Variants in DOCK3 observed in about 807,000 individuals in gnomAD.
The protein encoded by DOCK3 is dedicator of cytokinesis protein 3.
A neutral mutation model predicts 265.6 loss-of-function variants in DOCK3; 60 were observed. The ratio of observed to expected loss-of-function variants is 0.23; its 90% CI spans 0.18 to 0.28. DOCK3 has a LOEUF of 0.28. DOCK3 is among the 10% of genes least tolerant of loss of function. DOCK3 has a pLI of 1.00. For synonymous variants in DOCK3, 881 were observed against 938.0 expected, an observed-to-expected ratio of 0.94 and a Z score of 1.11; for missense variants, 1,981 against 2,594.3, an observed-to-expected ratio of 0.76 and a Z score of 5.14.
At chr3:51,004,055 T>C (rs995147023) in intron 5 of DOCK3, among the ~76,000 whole-genome samples, 1 of 152,128 alleles carries the variant, frequency 6.6e-6, no homozygotes, top group African/African-American at 2.4e-5. Flanking sequence ...TCCCATGAAA[T>C]ACCCTCCACT....
At chr3:51,109,955 A>G (rs1458125838) in intron 9 of DOCK3, among the ~76,000 whole-genome samples, 2 of 151,966 alleles carry the variant, frequency 1.3e-5, no homozygotes, top group African/African-American at 4.8e-5. Context: ...TCAAATAAAC[A>G]CAATCTGAAA....
At chr3:51,102,037 A>G (rs974671531) in intron 9 of DOCK3, among the ~76,000 whole-genome samples, 4 of 152,252 alleles carry the variant, frequency 2.6e-5, no homozygotes, top group South Asian at 2.1e-4. Flanking sequence ...TCATTAAAAT[A>G]TATTTAGCTG....
At chr3:51,309,638 AGAGCGAGAGCG>A (rs1441472766) in intron 27 of DOCK3, among the ~76,000 whole-genome samples, 6 of 145,702 alleles carry the variant, frequency 4.1e-5, no homozygotes, top group Non-Finnish European at 7.4e-5. Context: ...AGCGAGAGCG[AGAGCGAGAGCG>A]AGAGCTCTTT....
intron 23 of DOCK3, among the ~76,000 whole-genome samples, chr3:51,261,205 A>G (rs370405560): frequency 2.0e-4 from 30 of 151,728 alleles, no homozygotes; most frequent in African/African-American, 7.0e-4. Flanking sequence ...TGCATTTCCA[A>G]CTGAGGTACC....
intron 2 of DOCK3, among the ~76,000 whole-genome samples, chr3:50,803,571 C>T (rs955984728): frequency 6.6e-6 from 1 of 152,370 alleles, no homozygotes; most frequent in South Asian, 2.1e-4. Flanking sequence ...ATGGCCTGTT[C>T]TCAATGAGCT....
At chr3:50,913,434 C>T (rs1164632691) in intron 4 of DOCK3, among the ~76,000 whole-genome samples, 2 of 152,010 alleles carry the variant, frequency 1.3e-5, no homozygotes, top group South Asian at 2.1e-4. Context: ...GGGGTGATGT[C>T]AGCACTCCCT....
At chr3:51,230,710 T>G (rs962950292) in intron 19 of DOCK3, among the ~76,000 whole-genome samples, 5 of 152,220 alleles carry the variant, frequency 3.3e-5, no homozygotes, top group African/African-American at 1.2e-4. Flanking sequence ...AGAGATGAGA[T>G]TTCACCATGT....
intron 5 of DOCK3, among the ~76,000 whole-genome samples, chr3:51,035,131 C>A (rs13316002): frequency 6.6e-6 from 1 of 152,032 alleles, no homozygotes; most frequent in Non-Finnish European, 1.5e-5. Context: ...TCTAAATTTA[C>A]ACCCTTCACC....
In DOCK3 at chr3:51,090,210, G is replaced by T; in HGVS notation, c.592-20G>T. On this transcript the variant is annotated intron_variant, in intron 8 of 52. Transcript: ENST00000266037. ...AAATAACTAAAATAAAAATCACTGGGTTTTTTTCTTCCTCATTAGGTAGAT... is the reference window on the plus strand; with the variant it reads ...AAATAACTAAAATAAAAATCACTGGTTTTTTTTCTTCCTCATTAGGTAGAT... 2 of 1,526,646 alleles carry T rather than the reference G, an allele frequency of 1.3e-6. No individual in the cohort carries two copies. Among genetic ancestry groups the T allele is most frequent in the Non-Finnish European group, 8.8e-7 (1 of 1,142,676 alleles). 94.6% of individuals were successfully genotyped at this position (1,526,646 alleles called of 1,614,324 possible). A position where few individuals can be genotyped will look rare whatever the true frequency, so the allele number is the denominator to read the frequency against.
At chr3:51,235,937 G>A (rs2078332249) in intron 19 of DOCK3, among the ~76,000 whole-genome samples, 1 of 152,194 alleles carries the variant, frequency 6.6e-6, no homozygotes, top group East Asian at 1.9e-4. Context: ...ACAGTAGAGA[G>A]CAAGAGACTA....
intron 1 of DOCK3, among the ~76,000 whole-genome samples, chr3:50,748,502 A>T (rs1300809628): frequency 6.6e-6 from 1 of 152,210 alleles, no homozygotes; most frequent in Admixed American, 6.5e-5. Context: ...ATGAATAGTC[A>T]GTTAAGAGTA....
intron 2 of DOCK3, among the ~76,000 whole-genome samples, chr3:50,798,045 A>T (rs753906839): frequency 9.2e-5 from 14 of 152,232 alleles, no homozygotes; most frequent in African/African-American, 2.4e-5. Context: ...CTCATTTTGT[A>T]TTCTGACCAC....
intron 5 of DOCK3, among the ~76,000 whole-genome samples, chr3:50,971,384 T>C (rs1302915183): frequency 1.3e-5 from 2 of 152,174 alleles, no homozygotes; most frequent in Admixed American, 6.5e-5. Flanking sequence ...GTATGTTGTA[T>C]AGGGTCATTA....
intron 4 of DOCK3, among the ~76,000 whole-genome samples, chr3:50,906,645 A>C (rs1438023476): frequency 1.3e-5 from 2 of 151,482 alleles, no homozygotes; most frequent in African/African-American, 4.9e-5. Flanking sequence ...CTATTTGGTT[A>C]TTCTCTCTTT....
chr3:50,984,647 A>G (rs1319793881), intron 5 of DOCK3, among the ~76,000 whole-genome samples: 1 of 152,180 alleles, frequency 6.6e-6, no homozygotes, highest in Non-Finnish European at 1.5e-5. Context: ...TTCTCTTGCT[A>G]TAAACTTCAG....
At chr3:50,863,934 C>T (rs1250673469) in intron 3 of DOCK3, among the ~76,000 whole-genome samples, 1 of 152,182 alleles carries the variant, frequency 6.6e-6, no homozygotes, top group African/African-American at 2.4e-5. Context: ...GTGTGCAGCT[C>T]TATCGTCCAC....
At chr3:50,819,974 A>G (rs571811799) in intron 2 of DOCK3, among the ~76,000 whole-genome samples, 1 of 152,266 alleles carries the variant, frequency 6.6e-6, no homozygotes, top group South Asian at 2.1e-4. Flanking sequence ...AATAAAAAAC[A>G]ACAACAACAA....
chr3:50,784,538 T>A lies in DOCK3; in HGVS notation c.121+5780T>A, dbSNP rs551347972. Among the ~76,000 whole-genome samples, 4 of 152,296 alleles carry A rather than the reference T, an allele frequency of 2.6e-5. No individual in the cohort carries two copies. In the East Asian group the frequency reaches 7.7e-4, roughly 29 times the overall value. On this transcript the variant is annotated intron_variant, in intron 2 of 52. Coordinates refer to ENST00000266037, the MANE Select transcript of DOCK3 (RefSeq NM_004947.5). The stretch of plus-strand genomic sequence containing the variant: ...GAATTGTAGATTTGTTTTTTCTAGT[T>A]CTGTGAAGAATGATGGTGATATTTT...
chr3:51,199,071 G>C (rs933479368), intron 12 of DOCK3, among the ~76,000 whole-genome samples: 1 of 152,160 alleles, frequency 6.6e-6, no homozygotes, highest in Non-Finnish European at 1.5e-5. Flanking sequence ...AGATGGCCGA[G>C]TAGGAACACC....
Sources: gnomAD v4.1 joint callset for allele counts (sites outside exome capture counted in the v4.1 genomes callset) on GRCh38, gnomAD v4.1.1 for gene constraint, MANE v1.5 for transcripts, NCBI Gene and HGNC (gene_info 2026-07-23, HGNC 2026-07-21) for gene names.